The following MYO1D variants were observed in gnomAD, a reference collection of about 807,000 sequenced individuals.
The protein encoded by MYO1D is myosin ID, also known as unconventional myosin-Id.
Under a neutral mutation model 122.0 loss-of-function variants are expected in MYO1D, and 83 were observed. That is an observed-to-expected ratio of 0.68 (90% CI 0.57 to 0.82). The LOEUF (loss-of-function observed/expected upper bound fraction) is 0.82, where lower values mean the gene tolerates loss of function less well. Ranked by LOEUF, MYO1D falls within the 40% of genes least tolerant of loss-of-function variation. The probability of loss-of-function intolerance (pLI) is 0.00; values close to 1 mark genes in which losing one functional copy is unlikely to be tolerated. For synonymous variants in MYO1D, 464 were observed against 446.9 expected (o/e 1.04, Z -0.48); for missense variants, 1,157 against 1,269.5 (o/e 0.91, Z 1.35).
rs556632069 is a variant in MYO1D, at chr17:32,653,492, G to C, written c.2595+351C>G. ...ATGGTGGTGCATGCCTGTAATCCCA[G>C]TTACTTGGGAGGCTGAGACAGGAGA... is the stretch of plus-strand genomic sequence containing the variant. On this transcript the variant is annotated intron_variant, in intron 19 of 21. Coordinates refer to ENST00000318217, the MANE Select transcript of MYO1D (RefSeq NM_015194.3). Among the ~76,000 whole-genome samples, 41 of 151,226 alleles carry C rather than the reference G, an allele frequency of 2.7e-4. 2 individuals are homozygous for C. The South Asian group carries it at 8.6e-3, about 32-fold the overall frequency.
At chr17:32,827,043 C>T (rs1465766584) in intron 1 of MYO1D, among the ~76,000 whole-genome samples, 1 of 152,106 alleles carries the variant, frequency 6.6e-6, no homozygotes, top group African/African-American at 2.4e-5. Context: ...CCTGGGTATG[C>T]ACCCAAAAGA....
rs753999303 is a variant in MYO1D at position 32,659,232 on chromosome 17, A to G, written c.2228T>C (p.Val743Ala). 1.4e-5 allele frequency: 22 copies of G among 1,614,116 alleles called. No individual in the cohort carries two copies. The highest frequency in any genetic ancestry group is 1.6e-5 in the Non-Finnish European group (19 of 1,180,048). The stretch of plus-strand genomic sequence containing the variant: ...CTTGACGCCATGGAAGCGTCTGGCC[A>G]CCTCGTGGATGTACGACTTCACTTT... ...RYKVKSYIHE[V>A]ARRFHGVKTM... Residue 743 changes from valine (V) to alanine (A), a missense_variant, in exon 17 of 22, where the codon GTG (valine) becomes GCG (alanine). Physicochemically the swap from Val to Ala is moderately conservative, Grantham distance 64. Coordinates refer to ENST00000318217, the MANE Select transcript of MYO1D (RefSeq NM_015194.3).
intron 2 of MYO1D, among the ~76,000 whole-genome samples, chr17:32,779,189 T>C (rs1057358746): frequency 6.6e-6 from 1 of 152,130 alleles, no homozygotes; most frequent in Non-Finnish European, 1.5e-5. Context: ...AAAATTCCAC[T>C]GGTAGAAATT....
At chr17:32,617,687 C>T (rs530251064) in intron 20 of MYO1D, among the ~76,000 whole-genome samples, 1 of 152,288 alleles carries the variant, frequency 6.6e-6, no homozygotes, top group African/African-American at 2.4e-5. Flanking sequence ...GTGATCCACC[C>T]GCTTCAGCCT....
chr17:32,783,178 A>C (rs899640747), intron 1 of MYO1D, among the ~76,000 whole-genome samples: 6 of 152,128 alleles, frequency 3.9e-5, no homozygotes, highest in Non-Finnish European at 7.4e-5. Context: ...AATGAAGAAA[A>C]GCAGCAGAAG....
chr17:32,498,444 G>A (rs1199926802), intron 21 of MYO1D: 1 of 152,242 alleles, frequency 6.6e-6, no homozygotes, highest in Non-Finnish European at 1.5e-5. Context: ...CCTTGTTCAA[G>A]TCACTTAAAC....
chr17:32,698,165 T>C (rs1380173651), intron 16 of MYO1D, among the ~76,000 whole-genome samples: 1 of 152,204 alleles, frequency 6.6e-6, no homozygotes, highest in African/African-American at 2.4e-5. Context: ...ATAACCAGAA[T>C]AGTAAAGTAT....
At chr17:32,568,573 G>C (rs2087195009) in intron 21 of MYO1D, among the ~76,000 whole-genome samples, 1 of 152,076 alleles carries the variant, frequency 6.6e-6, no homozygotes, top group African/African-American at 2.4e-5. Context: ...CATCTATCTG[G>C]GACACTCTTG....
chr17:32,764,102 T>C (rs1158344931), intron 8 of MYO1D, among the ~76,000 whole-genome samples: 2 of 152,172 alleles, frequency 1.3e-5, no homozygotes, highest in Non-Finnish European at 2.9e-5. Context: ...AAATAAATTG[T>C]GGTACTATCA....
intron 20 of MYO1D, among the ~76,000 whole-genome samples, chr17:32,610,516 G>T (rs1450051528): frequency 6.6e-6 from 1 of 152,126 alleles, no homozygotes; most frequent in Non-Finnish European, 1.5e-5. Flanking sequence ...GATGACCTGG[G>T]TGTTAATCCC....
At chr17:32,585,761 G>GA (rs1329619494) in intron 21 of MYO1D, among the ~76,000 whole-genome samples, 4 of 148,518 alleles carry the variant, frequency 2.7e-5, no homozygotes, top group Non-Finnish European at 4.5e-5. Flanking sequence ...AAAAAAAAAG[G>GA]AAGGGCAGTC....
chr17:32,781,564 G>A (rs1261645729), intron 1 of MYO1D, among the ~76,000 whole-genome samples: 2 of 151,834 alleles, frequency 1.3e-5, no homozygotes, highest in Admixed American at 6.6e-5. Context: ...CTAATCATAC[G>A]TATTTGTATC....
intron 8 of MYO1D, among the ~76,000 whole-genome samples, chr17:32,762,953 G>A (rs1436681077): frequency 4.6e-5 from 7 of 151,560 alleles, no homozygotes; most frequent in African/African-American, 4.8e-5. Context: ...TTGGGAGGCC[G>A]AGGAGGGTGG....
intron 21 of MYO1D, among the ~76,000 whole-genome samples, chr17:32,501,181 A>G (rs1264725638): frequency 6.6e-6 from 1 of 152,222 alleles, no homozygotes; most frequent in Non-Finnish European, 1.5e-5. Context: ...CAAAGGTAGC[A>G]ACAGCCTTGT....
intron 21 of MYO1D, among the ~76,000 whole-genome samples, chr17:32,517,914 G>C (rs1308486428): frequency 6.6e-6 from 1 of 152,228 alleles, no homozygotes; most frequent in Non-Finnish European, 1.5e-5. Flanking sequence ...AGGAGGATGT[G>C]GAGATGGGCA....
chr17:32,735,081 A>AACAC (rs371150333), intron 14 of MYO1D, among the ~76,000 whole-genome samples: 14,581 of 137,830 alleles, frequency 0.11, 871 homozygotes, highest in East Asian at 0.24. Flanking sequence ...ATTCCATCTG[A>AACAC]ACACACACAC....
At chr17:32,857,058 T>C (rs1029119006) in intron 1 of MYO1D, among the ~76,000 whole-genome samples, 2 of 152,254 alleles carry the variant, frequency 1.3e-5, no homozygotes, top group African/African-American at 4.8e-5. Context: ...TAATCAGTTA[T>C]GTGACTTTGG....
At chr17:32,783,620 C>T (rs1032941409) in intron 1 of MYO1D, among the ~76,000 whole-genome samples, 5 of 152,164 alleles carry the variant, frequency 3.3e-5, no homozygotes, top group South Asian at 2.1e-4. Context: ...ATTCACAAAA[C>T]GTTAGAAGCT....
At chr17:32,794,633 T>C (rs767047662) in intron 1 of MYO1D, among the ~76,000 whole-genome samples, 3 of 151,772 alleles carry the variant, frequency 2.0e-5, no homozygotes, top group African/African-American at 4.8e-5. Flanking sequence ...AGACACTAAA[T>C]GGAGGTCCAG....
Sources: gnomAD v4.1 joint callset for allele counts (sites outside exome capture counted in the v4.1 genomes callset) on GRCh38, gnomAD v4.1.1 for gene constraint, MANE v1.5 for transcripts, NCBI Gene and HGNC (gene_info 2026-07-23, HGNC 2026-07-21) for gene names.